Variants in CDKAL1 observed in about 807,000 individuals in gnomAD.
CDKAL1 encodes CDKAL1 threonylcarbamoyladenosine tRNA methylthiotransferase.
CDKAL1 carries 32 observed loss-of-function variants against 68.2 expected under a neutral mutation model. The ratio of observed to expected loss-of-function variants is 0.47; its 90% CI spans 0.35 to 0.63. The LOEUF is 0.63. Ranked by LOEUF, CDKAL1 falls within the 30% of genes least tolerant of loss-of-function variation. The pLI is 0.00. For missense variants in CDKAL1, 606 were observed against 696.7 expected, an observed-to-expected ratio of 0.87 and a Z score of 1.47; for synonymous variants, 234 against 244.3, an observed-to-expected ratio of 0.96 and a Z score of 0.39.
intron 13 of CDKAL1, among the ~76,000 whole-genome samples, chr6:21,166,010 G>A (rs932693570): frequency 6.6e-6 from 1 of 152,170 alleles, no homozygotes; most frequent in South Asian, 2.1e-4. Context: ...ATTCTATGCT[G>A]TAGTTCCCGA....
At chr6:20,731,854 T>C (rs1421233051) in intron 5 of CDKAL1, among the ~76,000 whole-genome samples, 3 of 152,064 alleles carry the variant, frequency 2.0e-5, no homozygotes, top group African/African-American at 7.2e-5. Context: ...ACCAGTCTCA[T>C]CCATTCAGTT....
chr6:20,863,234 C>A (rs1239870924), intron 9 of CDKAL1, among the ~76,000 whole-genome samples: 1 of 152,062 alleles, frequency 6.6e-6, no homozygotes, highest in African/African-American at 2.4e-5. Context: ...TGACATGATG[C>A]TTGTGGCCCT....
At chr6:20,962,917 C>G (rs1298117076) in intron 10 of CDKAL1, among the ~76,000 whole-genome samples, 1 of 152,180 alleles carries the variant, frequency 6.6e-6, no homozygotes. Flanking sequence ...CATCAGTGCT[C>G]TATTTGATTC....
At chr6:20,590,345 GTTTTTAT>G (rs1315653625) in intron 4 of CDKAL1, among the ~76,000 whole-genome samples, 8 of 151,814 alleles carry the variant, frequency 5.3e-5, no homozygotes, top group Non-Finnish European at 1.0e-4. Context: ...TTATTTTTTT[GTTTTTAT>G]TTTTTATTTA....
intron 9 of CDKAL1, among the ~76,000 whole-genome samples, chr6:20,914,444 A>C (rs975564845): frequency 3.3e-5 from 5 of 151,940 alleles, no homozygotes; most frequent in Non-Finnish European, 4.4e-5. Flanking sequence ...TTTCATGAGA[A>C]TTTATCATGA....
chr6:20,639,851 A>G (rs1290855381), intron 4 of CDKAL1, among the ~76,000 whole-genome samples: 1 of 152,152 alleles, frequency 6.6e-6, no homozygotes, highest in Non-Finnish European at 1.5e-5. Context: ...TTGTATTTTT[A>G]GTAGAGATGG....
chr6:21,141,188 C>T (rs1444640018), intron 13 of CDKAL1, among the ~76,000 whole-genome samples: 1 of 152,220 alleles, frequency 6.6e-6, no homozygotes, highest in East Asian at 1.9e-4. Context: ...CCTTACTGAG[C>T]TACTTCGTTC....
At chr6:20,647,747 C>T (rs1768544892) in intron 4 of CDKAL1, among the ~76,000 whole-genome samples, 2 of 152,006 alleles carry the variant, frequency 1.3e-5, no homozygotes, top group Admixed American at 1.3e-4. Context: ...AGGGAAGTGA[C>T]ATAATTGATT....
chr6:21,103,358 C>T (rs1773678675), intron 12 of CDKAL1, among the ~76,000 whole-genome samples: 1 of 151,878 alleles, frequency 6.6e-6, no homozygotes, highest in Admixed American at 6.5e-5. Flanking sequence ...GTCTGGAAAC[C>T]TGAACTGTTA....
intron 13 of CDKAL1, among the ~76,000 whole-genome samples, chr6:21,150,582 T>C (rs1776369947): frequency 6.6e-6 from 1 of 152,182 alleles, no homozygotes. Context: ...TTAGTGTGTG[T>C]CAGTTAGCCA....
At position 20,857,088 on chromosome 6, in the gene CDKAL1, GT is replaced by G. The variant is rs201309660; in HGVS notation, c.742+10912del. On this transcript the variant is annotated intron_variant, in intron 9 of 15. Transcript: ENST00000274695. ...AATGTTTGTTAGTGGGACCTTGGCT[GT>G]TCTGCAGAGGTTATACGTTTCTGTA... is the stretch of plus-strand genomic sequence containing the variant. Among the ~76,000 whole-genome samples, 554 of 152,262 alleles carry G rather than the reference GT, an allele frequency of 3.6e-3. 5 individuals are homozygous for G. The highest frequency in any genetic ancestry group is 0.012 in the African/African-American group (486 of 41,542).
At chr6:20,748,443 C>T (rs1303720386) in intron 6 of CDKAL1, among the ~76,000 whole-genome samples, 2 of 151,054 alleles carry the variant, frequency 1.3e-5, no homozygotes, top group African/African-American at 4.9e-5. Context: ...CGAGGAGTTC[C>T]AGGCTGTGGC....
chr6:20,802,314 A>ATAATAATAATAT (rs1334849282), intron 8 of CDKAL1, among the ~76,000 whole-genome samples: 1 of 49,550 alleles, frequency 2.0e-5, no homozygotes, highest in African/African-American at 5.9e-5. Flanking sequence ...AACAACAACA[A>ATAATAATAATAT]CAATAATAAT....
intron 9 of CDKAL1, among the ~76,000 whole-genome samples, chr6:20,913,388 G>C (rs1423189904): frequency 4.6e-5 from 7 of 152,146 alleles, no homozygotes; most frequent in Middle Eastern, 3.2e-3. Context: ...CTCCTCACTG[G>C]CTGCTGGATG....
At chr6:21,220,061 A>G (rs982395136) in intron 15 of CDKAL1, among the ~76,000 whole-genome samples, 4 of 152,114 alleles carry the variant, frequency 2.6e-5, no homozygotes, top group Non-Finnish European at 5.9e-5. Context: ...TTTCATTCAT[A>G]CTGATGCTTA....
chr6:20,720,854 A>G (rs549444299), intron 5 of CDKAL1, among the ~76,000 whole-genome samples: 1 of 152,302 alleles, frequency 6.6e-6, no homozygotes, highest in African/African-American at 2.4e-5. Flanking sequence ...AAGTGAGGAT[A>G]TGTGATATTT....
intron 11 of CDKAL1, among the ~76,000 whole-genome samples, chr6:21,006,313 A>T (rs900650699): frequency 7.2e-5 from 11 of 152,224 alleles, no homozygotes; most frequent in African/African-American, 2.4e-4. Flanking sequence ...AAAGAAAAAA[A>T]AAGAATGATT....
rs1563727 is a variant in CDKAL1 at position 21,231,243 on chromosome 6, C to G, written c.*204C>G. ...GTTATTTGACCTAAAACCTAATCACCGCTACCATAGCACATCCTTCAAATT... is the reference window on the plus strand; with the variant it reads ...GTTATTTGACCTAAAACCTAATCACGGCTACCATAGCACATCCTTCAAATT... On this transcript the variant is annotated 3_prime_UTR_variant, in exon 16 of 16. Transcript: ENST00000274695. The G allele has an allele frequency of 0.63, 264,348 of 418,386 alleles. 84,638 individuals are homozygous for G. The highest frequency in any genetic ancestry group is 0.8 in the East Asian group (23,760 of 29,628). 25.9% of individuals were successfully genotyped at this position (418,386 alleles called of 1,614,324 possible). A position where few individuals can be genotyped will look rare whatever the true frequency, so the allele number is the denominator to read the frequency against.
intron 5 of CDKAL1, among the ~76,000 whole-genome samples, chr6:20,659,294 T>C (rs1001861217): frequency 7.2e-5 from 11 of 152,232 alleles, no homozygotes; most frequent in African/African-American, 2.4e-4. Context: ...TAAACTTAGA[T>C]ATTTTAATTT....
Sources: allele counts gnomAD v4.1 joint callset (sites outside exome capture counted in the v4.1 genomes callset), GRCh38; gene constraint gnomAD v4.1.1; transcripts MANE v1.5; gene names NCBI Gene and HGNC (gene_info 2026-07-23, HGNC 2026-07-21).